Variants in GALNT14 observed in about 807,000 individuals in gnomAD.
The protein encoded by GALNT14 is UDP-GalNAc:polypeptide N-acetylgalactosaminyltransferase 14.
A neutral mutation model predicts 77.5 loss-of-function variants in GALNT14; 60 were observed. The ratio of observed to expected loss-of-function variants is 0.77; its 90% confidence interval spans 0.63 to 0.96. GALNT14 has a LOEUF of 0.96. GALNT14 is among the 40% of genes least tolerant of loss of function. The pLI is 0.00. For missense variants in GALNT14, 710 were observed against 731.0 expected (o/e 0.97, Z 0.33); for synonymous variants, 280 against 281.7 (o/e 0.99, Z 0.06).
At chr2:30,925,487 T>C (rs1017217756) in intron 11 of GALNT14, among the ~76,000 whole-genome samples, 1 of 152,166 alleles carries the variant, frequency 6.6e-6, no homozygotes, top group African/African-American at 2.4e-5. Flanking sequence ...GTAGTAATGG[T>C]GATGCTGGTA....
chr2:31,000,411 G>A (rs1157851907), intron 1 of GALNT14, among the ~76,000 whole-genome samples: 1 of 148,714 alleles, frequency 6.7e-6, no homozygotes, highest in African/African-American at 2.5e-5. Context: ...TATTGGTCAG[G>A]GTTCTACAGA....
chr2:31,010,095 C>T (rs1670923857), intron 1 of GALNT14, among the ~76,000 whole-genome samples: 1 of 152,226 alleles, frequency 6.6e-6, no homozygotes, highest in Admixed American at 6.5e-5. Context: ...AAGCGGTTCT[C>T]ATGCCTCAGT....
intron 6 of GALNT14, among the ~76,000 whole-genome samples, chr2:30,946,555 G>A (rs1225422485): frequency 2.6e-5 from 4 of 152,106 alleles, no homozygotes; most frequent in Admixed American, 6.6e-5. Context: ...GGTCTCCCCC[G>A]AAGCTGAACA....
chr2:31,127,396 G>A (rs186373153), intron 1 of GALNT14, among the ~76,000 whole-genome samples: 22 of 152,266 alleles, frequency 1.4e-4, no homozygotes, highest in Non-Finnish European at 2.8e-4. Context: ...TACTTCATGC[G>A]ATGTGAAAAA....
chr2:31,058,169 T>C (rs957368676), intron 1 of GALNT14, among the ~76,000 whole-genome samples: 1 of 152,200 alleles, frequency 6.6e-6, no homozygotes, highest in Admixed American at 6.5e-5. Flanking sequence ...ACCCACTGCC[T>C]GCAACAGCTG....
chr2:31,107,108 C>T (rs866957748), intron 1 of GALNT14, among the ~76,000 whole-genome samples: 4 of 152,246 alleles, frequency 2.6e-5, no homozygotes, highest in African/African-American at 7.2e-5. Flanking sequence ...AGAAGGAAGC[C>T]TCTTTTATTT....
chr2:31,011,867 T>C (rs910031884), intron 1 of GALNT14, among the ~76,000 whole-genome samples: 12 of 152,194 alleles, frequency 7.9e-5, no homozygotes, highest in African/African-American at 2.4e-4. Context: ...ATGTGTTCTC[T>C]GGACGTGCCG....
intron 1 of GALNT14, chr2:31,065,433 CCTTT>C (rs1558540205): frequency 3.9e-5 from 6 of 152,170 alleles, no homozygotes. Context: ...GGGGAGAATA[CCTTT>C]CAGGAAAGTG....
At chr2:30,975,175 C>T (rs759812908) in intron 2 of GALNT14, among the ~76,000 whole-genome samples, 12 of 152,106 alleles carry the variant, frequency 7.9e-5, no homozygotes, top group Non-Finnish European at 1.5e-4. Flanking sequence ...CATCTGGTGT[C>T]CGTGGAGAGG....
At chr2:30,898,168 C>G in the GALNT14 span, among the ~76,000 whole-genome samples, 1 of 152,112 alleles carries the variant, frequency 6.6e-6, no homozygotes, top group East Asian at 1.9e-4. Context: ...CCTCGTTTTG[C>G]CAAGTGAGGA....
At chr2:31,056,778 C>A (rs560793350) in intron 1 of GALNT14, among the ~76,000 whole-genome samples, 1 of 152,230 alleles carries the variant, frequency 6.6e-6, no homozygotes, top group South Asian at 2.1e-4. Context: ...CAAGATCTAG[C>A]AGCAGGTCTA....
intron 2 of GALNT14, among the ~76,000 whole-genome samples, chr2:30,981,145 C>A (rs1027416133): frequency 2.6e-5 from 4 of 152,234 alleles, no homozygotes; most frequent in African/African-American, 7.2e-5. Context: ...AGCACAGAGC[C>A]TCCTTGAAAT....
chr2:30,931,879 C>T (rs80196220), intron 10 of GALNT14, among the ~76,000 whole-genome samples, 189 bp downstream of exon 10: 18,675 of 151,892 alleles, frequency 0.12, 1,490 homozygotes, highest in Non-Finnish European at 0.17. Context: ...CAGGCCCTAA[C>T]ACTGGATGTG....
chr2:30,988,344 A>C (rs1669448349), intron 2 of GALNT14, among the ~76,000 whole-genome samples: 1 of 152,184 alleles, frequency 6.6e-6, no homozygotes, highest in South Asian at 2.1e-4. Flanking sequence ...GGGTGTCCTC[A>C]AGGAACCAGA....
At chr2:31,110,764 G>C (rs1335863159) in intron 1 of GALNT14, among the ~76,000 whole-genome samples, 2 of 152,144 alleles carry the variant, frequency 1.3e-5, no homozygotes, top group Non-Finnish European at 2.9e-5. Flanking sequence ...ATGTAAAGCT[G>C]ATTGGTCTTT....
rs925049755 is a variant in GALNT14, at chr2:31,078,027, A to G, written c.129+59931T>C. Among the ~76,000 whole-genome samples, 5 of 152,250 alleles carry G rather than the reference A, an allele frequency of 3.3e-5. No homozygotes were observed. In the South Asian group the frequency reaches 1.0e-3, roughly 31 times the overall value. The stretch of plus-strand genomic sequence containing the variant: ...AGAGCAAGTCGGAAGAAAACAGCTT[A>G]AGTCAGAAGCTGAGGACATTGCTAT... On this transcript the variant is annotated intron_variant, in intron 1 of 14. Transcript: ENST00000349752.
At chr2:30,929,564 CAT>C (rs1665602999) in intron 10 of GALNT14, 77 bp from the exon 11 acceptor site, 3 of 1,065,500 alleles carry the variant, frequency 2.8e-6, no homozygotes, top group Admixed American at 2.0e-5. Flanking sequence ...TTAAAATACA[CAT>C]GTGTGGGCTG....
At chr2:31,054,971 G>A (rs1331147006) in intron 1 of GALNT14, among the ~76,000 whole-genome samples, 1 of 152,212 alleles carries the variant, frequency 6.6e-6, no homozygotes, top group Non-Finnish European at 1.5e-5. Flanking sequence ...ACTGGGAATA[G>A]CTTCCTATTT....
intron 13 of GALNT14, among the ~76,000 whole-genome samples, chr2:30,915,960 G>T (rs1188222185): frequency 6.6e-6 from 1 of 152,124 alleles, no homozygotes; most frequent in African/African-American, 2.4e-5. Flanking sequence ...AACAGGACCT[G>T]TTTAGGATTA....
Sources: allele counts gnomAD v4.1 joint callset (sites outside exome capture counted in the v4.1 genomes callset), GRCh38; gene constraint gnomAD v4.1.1; transcripts MANE v1.5; gene names NCBI Gene and HGNC (gene_info 2026-07-23, HGNC 2026-07-21).